SLC44A1: variants seen among roughly 807,000 people sequenced by gnomAD.
SLC44A1 encodes the protein choline transporter-like protein 1.
Under a neutral mutation model 79.3 loss-of-function variants are expected in SLC44A1, and 26 were observed. That is an observed-to-expected ratio of 0.33 (90% CI 0.24 to 0.46). The LOEUF is 0.46. Among genes scored for constraint, SLC44A1 ranks in the 20% least tolerant of loss-of-function variants. The pLI, the probability that SLC44A1 is intolerant of heterozygous loss-of-function variation, is 1.00. For synonymous variants in SLC44A1, 263 were observed against 286.2 expected, an observed-to-expected ratio of 0.92 and a Z score of 0.82; for missense variants, 688 against 798.1, an observed-to-expected ratio of 0.86 and a Z score of 1.66.
chr9:105,411,384 C>T (rs898439521), intron 15 of SLC44A1, among the ~76,000 whole-genome samples: 2 of 151,528 alleles, frequency 1.3e-5, no homozygotes, highest in Non-Finnish European at 2.9e-5. Context: ...TTTCCTACCT[C>T]TCCCTCCCTC....
In SLC44A1 at chr9:105,335,707, A is replaced by C. The variant is rs776619018; in HGVS notation, c.406+8A>C. 1 of 1,611,100 alleles carries C rather than the reference A, an allele frequency of 6.2e-7. No homozygotes were observed. Among genetic ancestry groups the C allele is most frequent in the Non-Finnish European group, 8.5e-7 (1 of 1,178,506 alleles). On this transcript the variant is annotated splice_region_variant and intron_variant, in intron 4 of 15. Coordinates refer to ENST00000374720, the MANE Select transcript of SLC44A1 (RefSeq NM_080546.5). Reference sequence around the variant, plus strand: ...AGTTTGCAGAGATAAATGGTGAGACATTAGGCCATCCAAATCTATGTCCTG... The same window carrying C: ...AGTTTGCAGAGATAAATGGTGAGACCTTAGGCCATCCAAATCTATGTCCTG...
intron 1 of SLC44A1, among the ~76,000 whole-genome samples, chr9:105,247,531 G>A (rs772845940): frequency 6.6e-6 from 1 of 152,004 alleles, no homozygotes; most frequent in African/African-American, 2.4e-5. Flanking sequence ...TCCTGACCTC[G>A]GGTGATCTAC....
chr9:105,321,500 T>G (rs925839595), intron 3 of SLC44A1, among the ~76,000 whole-genome samples: 11 of 152,306 alleles, frequency 7.2e-5, no homozygotes, highest in Middle Eastern at 3.4e-3. Flanking sequence ...TTAATAGCAC[T>G]ATTTTAAATA....
chr9:105,365,432 A>G (rs1447083610), intron 10 of SLC44A1, 51 bp from the exon 11 acceptor site: 4 of 1,461,950 alleles, frequency 2.7e-6, no homozygotes, highest in Non-Finnish European at 3.8e-6. Context: ...CTGTGTTTCC[A>G]TCCTGATCTA....
At chr9:105,374,195 T>G (rs1049966025) in intron 12 of SLC44A1, among the ~76,000 whole-genome samples, 18 of 152,238 alleles carry the variant, frequency 1.2e-4, no homozygotes, top group African/African-American at 4.1e-4. Flanking sequence ...AGCAATCTGA[T>G]GCTCACACCT....
At chr9:105,381,405 C>T (rs1302793692) in intron 13 of SLC44A1, among the ~76,000 whole-genome samples, 1 of 151,526 alleles carries the variant, frequency 6.6e-6, no homozygotes, top group Non-Finnish European at 1.5e-5. Context: ...AAAAATTAGC[C>T]AGGTGTGGTG....
At position 105,428,177 on chromosome 9, in the gene SLC44A1, T is replaced by C. The variant is rs796525696; in HGVS notation, c.1951-10104T>C. On this transcript the variant is annotated intron_variant, in intron 15 of 15. Transcript: ENST00000374724. ...TTCCTTAAGCCCCCAAATCAGTAAA[T>C]TTATTGATAATTCCCTTACGCCCCC... Among the ~76,000 whole-genome samples, 89 of 152,248 alleles carry C rather than the reference T, an allele frequency of 5.8e-4. 1 individual carries two copies. The highest frequency in any genetic ancestry group is 2.1e-3 in the African/African-American group (86 of 41,562).
At chr9:105,433,669 A>T (rs1829428353) in intron 15 of SLC44A1, among the ~76,000 whole-genome samples, 1 of 151,584 alleles carries the variant, frequency 6.6e-6, no homozygotes, top group Admixed American at 6.6e-5. Context: ...ATCTCCTAGA[A>T]TTCTCACAAC....
Position 105,259,585 on chromosome 9 carries a change from T to C in SLC44A1, c.36+14681T>C, listed in dbSNP as rs72607138. On this transcript the variant is annotated intron_variant, in intron 1 of 15. Coordinates refer to ENST00000374720, the MANE Select transcript of SLC44A1 (RefSeq NM_080546.5). ...CTCAGCATATTTAAGAGAGTTTTAT[T>C]CCTTGCTTGCTAAGCCTCAAAGTTT... 9.8e-4 allele frequency among the ~76,000 whole-genome samples: 149 copies of C among 152,358 alleles called. 2 individuals carry two copies. In the East Asian group the frequency reaches 0.025, roughly 25 times the overall value.
intron 3 of SLC44A1, among the ~76,000 whole-genome samples, chr9:105,327,353 A>G (rs7863781): frequency 0.14 from 20,555 of 151,660 alleles, 2,824 homozygotes; most frequent in African/African-American, 0.36. Flanking sequence ...TGCAATCTCA[A>G]CTCACTGCAA....
intron 1 of SLC44A1, 106 bp from the exon 2 acceptor site, chr9:105,299,114 A>T: frequency 1.3e-6 from 1 of 758,364 alleles, no homozygotes. Context: ...TTCAATAGAA[A>T]CTTGTTTGGC....
At position 105,390,963 on chromosome 9, in the gene SLC44A1, A is replaced by C; in HGVS notation, c.*1907A>C. ...AATGAATATAATTATATAACTAACAATTGTCCAAATAGATGAGAGAGCAAA... is the reference window on the plus strand; with the variant it reads ...AATGAATATAATTATATAACTAACACTTGTCCAAATAGATGAGAGAGCAAA... On this transcript the variant is annotated 3_prime_UTR_variant, in exon 16 of 16. Coordinates refer to ENST00000374720, the MANE Select transcript of SLC44A1 (RefSeq NM_080546.5). 2.0e-6 allele frequency: 2 copies of C among 982,322 alleles called. No homozygotes were observed. The highest frequency in any genetic ancestry group is 2.4e-6 in the Non-Finnish European group (2 of 826,734). 60.9% of individuals were successfully genotyped at this position (982,322 alleles called of 1,614,324 possible). A position where few individuals can be genotyped will look rare whatever the true frequency, so the allele number is the denominator to read the frequency against.
intron 1 of SLC44A1, among the ~76,000 whole-genome samples, chr9:105,254,996 T>G (rs536023317): frequency 7.5e-4 from 114 of 152,128 alleles, no homozygotes; most frequent in African/African-American, 2.6e-3. Flanking sequence ...CACCTCCAGC[T>G]GATACACTTA....
chr9:105,295,823 TC>T (rs1830708599), intron 1 of SLC44A1, among the ~76,000 whole-genome samples: 1 of 152,166 alleles, frequency 6.6e-6, no homozygotes, highest in Non-Finnish European at 1.5e-5. Context: ...TTATTTAACT[TC>T]TGAGCCTGAG....
intron 1 of SLC44A1, among the ~76,000 whole-genome samples, chr9:105,257,924 G>A (rs919464874): frequency 2.0e-5 from 3 of 152,184 alleles, no homozygotes; most frequent in African/African-American, 7.2e-5. Flanking sequence ...CAGCCATGGA[G>A]GAGTTTTCAG....
intron 15 of SLC44A1, chr9:105,385,829 A>G: frequency 1.0e-6 from 1 of 985,432 alleles, no homozygotes; most frequent in Non-Finnish European, 1.2e-6. Flanking sequence ...TTTGGCTTTC[A>G]TCAGACTGAA....
chr9:105,323,896 C>G (rs1028556933), intron 3 of SLC44A1, among the ~76,000 whole-genome samples: 6 of 152,226 alleles, frequency 3.9e-5, no homozygotes, highest in Non-Finnish European at 5.9e-5. Flanking sequence ...TCACCATGGT[C>G]TTCTGTCCTT....
At chr9:105,296,998 GA>G (rs1397896159) in intron 1 of SLC44A1, among the ~76,000 whole-genome samples, 1 of 152,188 alleles carries the variant, frequency 6.6e-6, no homozygotes. Flanking sequence ...GAGCCAGGGA[GA>G]GAACCAGTCC....
Position 105,396,830 on chromosome 9 carries a change from A to G in SLC44A1, c.*7774A>G. 1.0e-6 allele frequency: 1 copy of G among 984,726 alleles called. No homozygotes were observed. The highest frequency in any genetic ancestry group is 1.2e-6 in the Non-Finnish European group (1 of 829,578). 61.0% of individuals were successfully genotyped at this position (984,726 alleles called of 1,614,324 possible). A position where few individuals can be genotyped will look rare whatever the true frequency, so the allele number is the denominator to read the frequency against. ...CTGGAGGATCACAGTTAAGCCTTCC[A>G]TGAATTCATAGTTTGGAATCATTTA... On this transcript the variant is annotated 3_prime_UTR_variant, in exon 16 of 16. Transcript: ENST00000374720.
Sources: allele counts gnomAD v4.1 joint callset (sites outside exome capture counted in the v4.1 genomes callset), GRCh38; gene constraint gnomAD v4.1.1; transcripts MANE v1.5; gene names NCBI Gene and HGNC (gene_info 2026-07-23, HGNC 2026-07-21).